The following TXLNB variants were observed in gnomAD, a reference collection of about 807,000 sequenced individuals.
The protein encoded by TXLNB is taxilin beta.
In TXLNB, 37 loss-of-function variants were observed where a neutral mutation model predicts 57.4. The ratio of observed to expected loss-of-function variants is 0.64; its 90% CI spans 0.50 to 0.85. TXLNB has a LOEUF of 0.85. Ranked by LOEUF, TXLNB falls within the 40% of genes least tolerant of loss-of-function variation. The pLI is 0.00. For missense variants in TXLNB, 848 were observed against 825.6 expected (o/e 1.03, Z -0.33); for synonymous variants, 302 against 309.6 (o/e 0.98, Z 0.26).
chr6:139,203,480 C>G, the TXLNB span: 8 of 152,240 alleles, frequency 5.3e-5, no homozygotes, highest in African/African-American at 1.7e-4. Context: ...AACCTCTCAG[C>G]AGCACCTGAT....
chr6:139,242,090 T>C lies in TXLNB; in HGVS notation c.*436A>G, dbSNP rs1353315937. On this transcript the variant is annotated 3_prime_UTR_variant, in exon 10 of 10. Transcript: ENST00000358430. ...CGTATGTATATATTATGTATATGTATAGTTTAAATGTAACCTGGGCATCCA... is the reference window on the plus strand; with the variant it reads ...CGTATGTATATATTATGTATATGTACAGTTTAAATGTAACCTGGGCATCCA... 1 of 153,808 alleles carries C rather than the reference T, an allele frequency of 6.5e-6. No homozygotes were observed. Among genetic ancestry groups the C allele is most frequent in the Non-Finnish European group, 1.4e-5 (1 of 69,208 alleles). 9.5% of individuals were successfully genotyped at this position (153,808 alleles called of 1,614,324 possible).
chr6:139,166,436 C>T, the TXLNB span: 1 of 1,614,230 alleles, frequency 6.2e-7, no homozygotes, highest in African/African-American at 1.3e-5. Context: ...GAGCAGCATC[C>T]TCGTCCAGTT....
intron 8 of TXLNB, among the ~76,000 whole-genome samples, chr6:139,247,456 T>G (rs776531810): frequency 4.6e-5 from 7 of 151,786 alleles, no homozygotes; most frequent in East Asian, 3.8e-4. Flanking sequence ...TTTTGTTTTT[T>G]TTTTTTTAAT....
chr6:139,163,118 G>C, the TXLNB span, among the ~76,000 whole-genome samples: 1 of 152,198 alleles, frequency 6.6e-6, no homozygotes, highest in Non-Finnish European at 1.5e-5. Flanking sequence ...CAGGTTTATT[G>C]CATCCAGTGA....
At chr6:139,238,199 G>A (rs1481435494), downstream of TXLNB, among the ~76,000 whole-genome samples, 1 of 152,090 alleles carries the variant, frequency 6.6e-6, no homozygotes, top group Admixed American at 6.6e-5. Flanking sequence ...TTTGAGACCA[G>A]TCTGGCCAAC....
the TXLNB span, among the ~76,000 whole-genome samples, chr6:139,229,397 A>T: frequency 6.6e-6 from 1 of 152,134 alleles, no homozygotes; most frequent in Non-Finnish European, 1.5e-5. Context: ...GTCTTGGTTT[A>T]CTGCAAACTC....
chr6:139,299,838 C>G, the TXLNB span, among the ~76,000 whole-genome samples: 1 of 152,150 alleles, frequency 6.6e-6, no homozygotes, highest in African/African-American at 2.4e-5. Flanking sequence ...AAAAAAATGG[C>G]TCTTTTAAAT....
chr6:139,168,312 A>G, the TXLNB span, among the ~76,000 whole-genome samples: 2 of 152,086 alleles, frequency 1.3e-5, no homozygotes, highest in East Asian at 1.9e-4. Context: ...ATGTGAATAT[A>G]TATATTTAAT....
downstream of TXLNB, among the ~76,000 whole-genome samples, chr6:139,238,790 T>C: frequency 6.6e-6 from 1 of 152,168 alleles, no homozygotes; most frequent in East Asian, 1.9e-4. Context: ...GAGAATGAAC[T>C]TCGGAGGCCA....
intron 3 of TXLNB, among the ~76,000 whole-genome samples, chr6:139,276,602 A>G (rs1776901867): frequency 6.6e-6 from 1 of 152,230 alleles, no homozygotes; most frequent in Non-Finnish European, 1.5e-5. Flanking sequence ...ATTCCTTCAA[A>G]AGAATTTTTT....
chr6:139,307,880 G>A, the TXLNB span, among the ~76,000 whole-genome samples: 504 of 152,216 alleles, frequency 3.3e-3, 2 homozygotes, highest in African/African-American at 0.011. Flanking sequence ...TTATCCAGAC[G>A]TGTTTTTACA....
At chr6:139,218,991 G>A in the TXLNB span, among the ~76,000 whole-genome samples, 5 of 152,110 alleles carry the variant, frequency 3.3e-5, no homozygotes, top group Non-Finnish European at 5.9e-5. Context: ...GTATAGGTTC[G>A]TTATCTTTCT....
At chr6:139,210,623 G>A in the TXLNB span, among the ~76,000 whole-genome samples, 76 of 152,300 alleles carry the variant, frequency 5.0e-4, no homozygotes, top group South Asian at 2.9e-3. Context: ...GGGGAATGCC[G>A]GACAGTGGGT....
At chr6:139,165,655 G>A in the TXLNB span, among the ~76,000 whole-genome samples, 2 of 148,770 alleles carry the variant, frequency 1.3e-5, no homozygotes, top group Admixed American at 1.3e-4. Context: ...AAGCTCAGAT[G>A]TTCAGTTATC....
intron 3 of TXLNB, among the ~76,000 whole-genome samples, chr6:139,275,167 G>GA (rs1173679024): frequency 1.3e-5 from 2 of 152,022 alleles, no homozygotes; most frequent in Non-Finnish European, 2.9e-5. Context: ...AAAAAAGAAG[G>GA]AAAAAGAACA....
At chr6:139,254,315 TTGTGTG>T (rs60108019) in intron 7 of TXLNB, among the ~76,000 whole-genome samples, 1 of 150,122 alleles carries the variant, frequency 6.7e-6, no homozygotes, top group African/African-American at 2.4e-5. Flanking sequence ...TGAACACGAT[TTGTGTG>T]TGTGTGTGTG....
chr6:139,167,418 G>T, the TXLNB span: 2 of 1,100,524 alleles, frequency 1.8e-6, no homozygotes, highest in East Asian at 2.4e-5. Flanking sequence ...GTTTTCACCA[G>T]TGTTGTTTTT....
At chr6:139,191,381 T>A in the TXLNB span, among the ~76,000 whole-genome samples, 1 of 152,126 alleles carries the variant, frequency 6.6e-6, no homozygotes, top group Admixed American at 6.5e-5. Flanking sequence ...ATTGCACCAT[T>A]GCACTCCAGC....
At chr6:139,295,532 G>C (rs1347380300), upstream of TXLNB, among the ~76,000 whole-genome samples, 1 of 151,688 alleles carries the variant, frequency 6.6e-6, no homozygotes, top group African/African-American at 2.4e-5. Context: ...CTCCAACCTT[G>C]TGATGCTTTC....
Sources: allele counts gnomAD v4.1 joint callset (sites outside exome capture counted in the v4.1 genomes callset), GRCh38; gene constraint gnomAD v4.1.1; transcripts MANE v1.5; gene names NCBI Gene and HGNC (gene_info 2026-07-23, HGNC 2026-07-21).